AEBP2: variants seen among roughly 807,000 people sequenced by gnomAD.
AEBP2 encodes the protein AE binding protein 2.
AEBP2 carries 10 observed loss-of-function variants against 50.8 expected under a neutral mutation model. The ratio of observed to expected loss-of-function variants is 0.20; its 90% confidence interval spans 0.12 to 0.33. The LOEUF is 0.33. Ranked by LOEUF, AEBP2 falls within the 10% of genes least tolerant of loss-of-function variation. The pLI, the probability that AEBP2 is intolerant of heterozygous loss-of-function variation, is 1.00. For missense variants in AEBP2, 570 were observed against 688.0 expected (o/e 0.83, Z 1.92); for synonymous variants, 296 against 261.3 (o/e 1.13, Z -1.28).
At chr12:19,496,428 AC>A (rs1948982650) in intron 4 of AEBP2, among the ~76,000 whole-genome samples, 1 of 152,302 alleles carries the variant, frequency 6.6e-6, no homozygotes, top group East Asian at 1.9e-4. Flanking sequence ...AGGCCTTTTC[AC>A]TGTGGGGAGC....
intron 1 of AEBP2, among the ~76,000 whole-genome samples, chr12:19,460,174 A>G (rs1948347149): frequency 6.6e-6 from 1 of 152,168 alleles, no homozygotes; most frequent in South Asian, 2.1e-4. Context: ...GCACCACCGC[A>G]CTATAGGCTT....
At chr12:19,426,384 C>T (rs1242473562) in intron 1 of AEBP2, among the ~76,000 whole-genome samples, 3 of 152,126 alleles carry the variant, frequency 2.0e-5, no homozygotes, top group Non-Finnish European at 4.4e-5. Context: ...TTTACAGAAT[C>T]GGTTATATTC....
At chr12:19,468,702 C>A (rs1267196907) in intron 2 of AEBP2, among the ~76,000 whole-genome samples, 1 of 152,138 alleles carries the variant, frequency 6.6e-6, no homozygotes, top group Non-Finnish European at 1.5e-5. Flanking sequence ...AGGATATTGA[C>A]CAAAGTGAAG....
chr12:19,494,521 A>C lies in AEBP2; in HGVS notation c.1174+535A>C, dbSNP rs535318296. On this transcript the variant is annotated intron_variant, in intron 4 of 7. Transcript: ENST00000266508. ...TGCTTTTTTTTTTTTTTTTTTTTTG[A>C]GATGGAGTCTCGCTCTGTCAGCCAG... is the stretch of plus-strand genomic sequence containing the variant. Among the ~76,000 whole-genome samples, 8 of 88,328 alleles carry C rather than the reference A, an allele frequency of 9.1e-5. No homozygotes were observed. In the East Asian group the frequency reaches 2.3e-3, roughly 25 times the overall value. The allele number at this position is 88,328 out of a possible 152,430, so 57.9% of individuals were successfully genotyped here.
intron 1 of AEBP2, among the ~76,000 whole-genome samples, chr12:19,462,030 AAGTAGGATGTGGC>A (rs1176061126): frequency 6.6e-6 from 1 of 152,162 alleles, no homozygotes; most frequent in African/African-American, 2.4e-5. Context: ...ACATGAAAAG[AAGTAGGATGTGGC>A]AGCAGTTATA....
chr12:19,436,017 T>G (rs1947859033), upstream of AEBP2, among the ~76,000 whole-genome samples: 3 of 152,168 alleles, frequency 2.0e-5, no homozygotes, highest in African/African-American at 4.8e-5. Flanking sequence ...CCCAGGAGGT[T>G]AGGCATTCTA....
Position 19,439,639 on chromosome 12 carries a change from G to C in AEBP2, c.-61G>C. On this transcript the variant is annotated 5_prime_UTR_variant, in exon 1 of 8. Coordinates refer to ENST00000266508, the MANE Select transcript of AEBP2 (RefSeq NM_153207.5). The stretch of plus-strand genomic sequence containing the variant: ...GCGTTTGGGAGGGGGGCGAGGGAGA[G>C]AGAGTCGAGAGAGGGAGGCGGCGGT... 6.7e-7 allele frequency: 1 copy of C among 1,495,634 alleles called. No individual in the cohort carries two copies. Among genetic ancestry groups the C allele is most frequent in the African/African-American group, 1.4e-5 (1 of 69,220 alleles). 92.6% of individuals were successfully genotyped at this position (1,495,634 alleles called of 1,614,324 possible).
intron 2 of AEBP2, among the ~76,000 whole-genome samples, chr12:19,467,385 C>T (rs1450154457): frequency 6.6e-6 from 1 of 152,146 alleles, no homozygotes; most frequent in East Asian, 1.9e-4. Flanking sequence ...CCTCCACCTC[C>T]CAGGTTCGAG....
At chr12:19,405,151 G>C (rs1327148852) in intron 1 of AEBP2, among the ~76,000 whole-genome samples, 1 of 151,724 alleles carries the variant, frequency 6.6e-6, no homozygotes, top group Non-Finnish European at 1.5e-5. Flanking sequence ...TGCCAAGGCT[G>C]TTCTGGAACT....
intron 1 of AEBP2, among the ~76,000 whole-genome samples, chr12:19,415,431 GC>G (rs1345463910): frequency 7.1e-6 from 1 of 140,362 alleles, no homozygotes; most frequent in Non-Finnish European, 1.5e-5. Context: ...GCATTCAGAG[GC>G]CACTTTTGCA....
intron 1 of AEBP2, among the ~76,000 whole-genome samples, chr12:19,449,046 T>C (rs1211862138): frequency 6.6e-6 from 1 of 152,192 alleles, no homozygotes; most frequent in East Asian, 1.9e-4. Context: ...GATTTTTTAG[T>C]GTTTTAAATT....
chr12:19,440,427 C>CA, intron 1 of AEBP2, 57 bp downstream of exon 1: 2 of 1,449,210 alleles, frequency 1.4e-6, no homozygotes, highest in Non-Finnish European at 9.0e-7. Context: ...CCGGGCCCCT[C>CA]AGAGGGGGAC....
intron 2 of AEBP2, among the ~76,000 whole-genome samples, chr12:19,468,121 T>C (rs1948510654): frequency 7.3e-6 from 1 of 137,460 alleles, no homozygotes; most frequent in African/African-American, 3.1e-5. Flanking sequence ...CCCCTCTGCC[T>C]GACTTTGTGT....
intron 1 of AEBP2, among the ~76,000 whole-genome samples, chr12:19,451,256 C>G (rs1020230144): frequency 6.6e-6 from 1 of 152,094 alleles, no homozygotes; most frequent in East Asian, 1.9e-4. Context: ...TTGGTATCAG[C>G]TCGTGGAAGC....
chr12:19,511,275 T>C lies in AEBP2; in HGVS notation c.1300-1123T>C, dbSNP rs1409752728. Among the ~76,000 whole-genome samples the C allele has an allele frequency of 2.6e-5, 4 of 152,238 alleles. No individual in the cohort carries two copies. In the East Asian group the frequency reaches 7.7e-4, roughly 29 times the overall value. ...TGGTATCTGAATATGATAACTGTTC[T>C]TCTGTAAAACATTAATGCTGCTGGT... On this transcript the variant is annotated intron_variant, in intron 5 of 7. Coordinates refer to ENST00000266508, the MANE Select transcript of AEBP2 (RefSeq NM_153207.5).
chr12:19,493,744 T>A, intron 3 of AEBP2, 56 bp from the exon 4 acceptor site: 1 of 1,516,146 alleles, frequency 6.6e-7, no homozygotes, highest in Non-Finnish European at 9.0e-7. Flanking sequence ...TCATTGATAT[T>A]CTTCTCGTGC....
At chr12:19,497,936 A>G (rs930992344) in intron 4 of AEBP2, among the ~76,000 whole-genome samples, 3 of 152,250 alleles carry the variant, frequency 2.0e-5, no homozygotes, top group South Asian at 2.1e-4. Flanking sequence ...GAAATTAACA[A>G]GGGTATTCTA....
chr12:19,415,316 CAAAAAAAAAAAAAAAAAAAAAA>C, intron 1 of AEBP2, among the ~76,000 whole-genome samples: 1 of 59,544 alleles, frequency 1.7e-5, no homozygotes, highest in African/African-American at 8.3e-5. Context: ...GACCCTGTCT[CAAAAAAAAAAAAAAAAAAAAAA>C]AAAAAAAAAA....
At chr12:19,422,397 A>G (rs1407138707) in intron 1 of AEBP2, among the ~76,000 whole-genome samples, 2 of 152,188 alleles carry the variant, frequency 1.3e-5, no homozygotes, top group Admixed American at 6.6e-5. Context: ...TGCCCTAATC[A>G]GAAAATCCAT....
Sources: allele counts gnomAD v4.1 joint callset (sites outside exome capture counted in the v4.1 genomes callset), GRCh38; gene constraint gnomAD v4.1.1; transcripts MANE v1.5; gene names NCBI Gene and HGNC (gene_info 2026-07-23, HGNC 2026-07-21).